Variants in PHLDB2 observed in about 807,000 individuals in gnomAD.
PHLDB2 encodes pleckstrin homology-like domain family B member 2.
PHLDB2 carries 71 observed loss-of-function variants against 123.6 expected under a neutral mutation model. That is an observed-to-expected ratio of 0.57 (90% CI 0.47 to 0.70). The LOEUF is 0.70. Ranked by LOEUF, PHLDB2 falls within the 30% of genes least tolerant of loss-of-function variation. The pLI is 0.00. For synonymous variants in PHLDB2, 547 were observed against 541.6 expected, an observed-to-expected ratio of 1.01 and a Z score of -0.14; for missense variants, 1,446 against 1,519.5, an observed-to-expected ratio of 0.95 and a Z score of 0.80.
chr3:111,804,196 C>G (rs549539336), intron 1 of PHLDB2, among the ~76,000 whole-genome samples: 1 of 152,060 alleles, frequency 6.6e-6, no homozygotes, highest in East Asian at 1.9e-4. Flanking sequence ...GTTAAACCCC[C>G]CAAGAACCAA....
At chr3:111,845,697 C>T in intron 1 of PHLDB2, 1 of 1,074,346 alleles carries the variant, frequency 9.3e-7, no homozygotes, top group Non-Finnish European at 1.4e-6. Flanking sequence ...TCAACTTCAG[C>T]AGTAGTTAGT....
chr3:111,829,704 C>T (rs1424091300), intron 1 of PHLDB2, among the ~76,000 whole-genome samples: 4 of 151,924 alleles, frequency 2.6e-5, no homozygotes, highest in African/African-American at 4.8e-5. Context: ...CCTGGTGATC[C>T]GCCCGCCTTG....
At chr3:111,797,348 GAC>G (rs138506437) in intron 1 of PHLDB2, among the ~76,000 whole-genome samples, 9 of 151,826 alleles carry the variant, frequency 5.9e-5, no homozygotes, top group Admixed American at 2.6e-4. Context: ...TATTTAGGCA[GAC>G]ACACACACAC....
Position 111,897,866 on chromosome 3 carries a change from C to T in PHLDB2, c.1335+12454C>T, listed in dbSNP as rs566921335. Among the ~76,000 whole-genome samples the T allele has an allele frequency of 5.9e-5, 9 of 152,212 alleles. No individual in the cohort carries two copies. In the East Asian group the frequency reaches 7.7e-4, roughly 13 times the overall value. ...TATTGTGGGTTTGGTTCCAGACCAC[C>T]GCAAGAAGGCGAACATCATAATAAA... On this transcript the variant is annotated intron_variant, in intron 2 of 17. Coordinates refer to ENST00000431670, the MANE Select transcript of PHLDB2 (RefSeq NM_001134438.2).
At chr3:111,825,246 T>A (rs1321171352) in intron 1 of PHLDB2, among the ~76,000 whole-genome samples, 1 of 152,208 alleles carries the variant, frequency 6.6e-6, no homozygotes, top group East Asian at 1.9e-4. Context: ...TGGATCCAGA[T>A]TCTTAACTTT....
At chr3:111,826,322 T>C (rs529485305) in intron 1 of PHLDB2, among the ~76,000 whole-genome samples, 62 of 151,958 alleles carry the variant, frequency 4.1e-4, no homozygotes, top group Non-Finnish European at 7.7e-4. Context: ...AAAAAAAAAA[T>C]TTAATTCAAA....
Position 111,758,886 on chromosome 3 carries a change from A to G in PHLDB2, c.-49+26183A>G, listed in dbSNP as rs114854296. ...ACGATAAACTCATGAAGATGGTTTT[A>G]TAAGCTACTAGATGCGGCACAGACA... On this transcript the variant is annotated intron_variant, in intron 1 of 17. Coordinates refer to the PHLDB2 transcript ENST00000393923. 8.2e-3 allele frequency among the ~76,000 whole-genome samples: 1,250 copies of G among 152,282 alleles called. 14 individuals carry two copies. The highest frequency in any genetic ancestry group is 0.027 in the African/African-American group (1,104 of 41,554).
chr3:111,737,632 A>T (rs1362855748), intron 1 of PHLDB2, among the ~76,000 whole-genome samples: 3 of 152,128 alleles, frequency 2.0e-5, no homozygotes, highest in Non-Finnish European at 2.9e-5. Context: ...GGAGGACAGG[A>T]TTCAAACAGT....
intron 1 of PHLDB2, among the ~76,000 whole-genome samples, chr3:111,873,515 C>G (rs1474238233): frequency 3.9e-5 from 6 of 152,110 alleles, no homozygotes; most frequent in Admixed American, 1.3e-4. Context: ...AGTCAAAAGC[C>G]AAACCTTTGA....
At chr3:111,902,533 C>T (rs2067256946) in intron 2 of PHLDB2, among the ~76,000 whole-genome samples, 1 of 152,146 alleles carries the variant, frequency 6.6e-6, no homozygotes, top group African/African-American at 2.4e-5. Flanking sequence ...TAATTTATAT[C>T]TATTTTTAAA....
intron 10 of PHLDB2, 125 bp downstream of exon 10, chr3:111,949,200 G>T: frequency 9.1e-7 from 1 of 1,103,218 alleles, no homozygotes; most frequent in Non-Finnish European, 1.3e-6. Context: ...GGCCAGAGGG[G>T]TAGGGTAAGG....
At chr3:111,948,169 C>G (rs1396596196) in intron 9 of PHLDB2, among the ~76,000 whole-genome samples, 2 of 152,110 alleles carry the variant, frequency 1.3e-5, no homozygotes, top group Admixed American at 6.6e-5. Flanking sequence ...AATTCTCTGT[C>G]CTATGGGTAG....
chr3:111,797,494 T>C (rs897781023), intron 1 of PHLDB2, among the ~76,000 whole-genome samples: 2 of 152,228 alleles, frequency 1.3e-5, no homozygotes, highest in African/African-American at 2.4e-5. Flanking sequence ...TTGACTGCCT[T>C]ACTTGAAAGC....
intron 1 of PHLDB2, among the ~76,000 whole-genome samples, chr3:111,867,223 A>G (rs1261902808): frequency 1.3e-5 from 2 of 151,966 alleles, no homozygotes; most frequent in African/African-American, 2.4e-5. Flanking sequence ...AAGAGTTAGT[A>G]TTTTATACTT....
At chr3:111,769,979 T>A (rs1200926729) in intron 1 of PHLDB2, among the ~76,000 whole-genome samples, 2 of 152,256 alleles carry the variant, frequency 1.3e-5, no homozygotes, top group African/African-American at 2.4e-5. Flanking sequence ...GAATTTTAGT[T>A]ACTTTACTTT....
At chr3:111,739,573 T>TA (rs1231413646) in intron 1 of PHLDB2, among the ~76,000 whole-genome samples, 691 of 11,706 alleles carry the variant, frequency 0.059, 8 homozygotes, top group African/African-American at 0.11. Context: ...CTTCTGAAGT[T>TA]AAAAAAAAAA....
At chr3:111,901,022 C>T (rs1211649875) in intron 2 of PHLDB2, among the ~76,000 whole-genome samples, 1 of 151,978 alleles carries the variant, frequency 6.6e-6, no homozygotes, top group African/African-American at 2.4e-5. Context: ...GTGCCCAGCC[C>T]TCTTTTGCAT....
At chr3:111,741,284 A>G (rs1471868078) in intron 1 of PHLDB2, among the ~76,000 whole-genome samples, 1 of 152,212 alleles carries the variant, frequency 6.6e-6, no homozygotes, top group Non-Finnish European at 1.5e-5. Flanking sequence ...TCTGTGCCCG[A>G]GCACCTGTCT....
At chr3:111,818,367 G>A (rs1002275376) in intron 1 of PHLDB2, among the ~76,000 whole-genome samples, 1 of 152,048 alleles carries the variant, frequency 6.6e-6, no homozygotes, top group Non-Finnish European at 1.5e-5. Flanking sequence ...CACAAAATTG[G>A]TCACATTTTT....
Sources: allele counts gnomAD v4.1 joint callset (sites outside exome capture counted in the v4.1 genomes callset), GRCh38; gene constraint gnomAD v4.1.1; transcripts MANE v1.5; gene names NCBI Gene and HGNC (gene_info 2026-07-23, HGNC 2026-07-21).